ATF6: variants seen among roughly 807,000 people sequenced by gnomAD.
The protein encoded by ATF6 is activating transcription factor 6.
A neutral mutation model predicts 83.6 loss-of-function variants in ATF6; 53 were observed. The ratio of observed to expected loss-of-function variants is 0.63; its 90% CI spans 0.51 to 0.80. The LOEUF (loss-of-function observed/expected upper bound fraction) is 0.80, where lower values mean the gene tolerates loss of function less well. ATF6 is among the 30% of genes least tolerant of loss of function. The probability of loss-of-function intolerance (pLI) is 0.00; values close to 1 mark genes in which losing one functional copy is unlikely to be tolerated. For missense variants in ATF6, 744 were observed against 797.9 expected (o/e 0.93, Z 0.81); for synonymous variants, 288 against 285.8 (o/e 1.01, Z -0.08).
intron 15 of ATF6, among the ~76,000 whole-genome samples, chr1:161,918,662 T>C (rs1239750439): frequency 6.6e-6 from 1 of 152,184 alleles, no homozygotes; most frequent in Non-Finnish European, 1.5e-5. Context: ...TCTGAGCATA[T>C]AAGGGTTTGA....
intron 1 of ATF6, among the ~76,000 whole-genome samples, chr1:161,773,591 A>G (rs1416720020): frequency 6.6e-6 from 1 of 152,132 alleles, no homozygotes; most frequent in Non-Finnish European, 1.5e-5. Context: ...TAAGGGCACT[A>G]CTGATTTCCA....
chr1:161,881,332 G>C (rs987405484), intron 14 of ATF6, among the ~76,000 whole-genome samples: 1 of 152,112 alleles, frequency 6.6e-6, no homozygotes, highest in Non-Finnish European at 1.5e-5. Flanking sequence ...AAGTTCACAT[G>C]ATTGTTGGTA....
chr1:161,823,670 A>T (rs1309296976), intron 9 of ATF6, among the ~76,000 whole-genome samples: 1 of 152,214 alleles, frequency 6.6e-6, no homozygotes, highest in Non-Finnish European at 1.5e-5. Context: ...GTCCGACTTA[A>T]CAGGATCTGG....
intron 15 of ATF6, among the ~76,000 whole-genome samples, chr1:161,956,352 G>T (rs1434364850): frequency 1.3e-5 from 2 of 152,144 alleles, no homozygotes; most frequent in Admixed American, 6.5e-5. Context: ...AGGGACTATG[G>T]TTCCAAAAGG....
chr1:161,850,714 G>A (rs1243177038), intron 10 of ATF6, among the ~76,000 whole-genome samples: 2 of 152,148 alleles, frequency 1.3e-5, no homozygotes, highest in African/African-American at 4.8e-5. Context: ...AAAAGTGTGA[G>A]TCTCACTATG....
chr1:161,851,275 C>CACACACACACACACACACACA (rs1557995077), intron 10 of ATF6, among the ~76,000 whole-genome samples: 1 of 148,830 alleles, frequency 6.7e-6, no homozygotes, highest in African/African-American at 2.5e-5. Flanking sequence ...CACACACACA[C>CACACACACACACACACACACA]CCCTACCTGT....
At chr1:161,888,906 C>T (rs373591023) in intron 14 of ATF6, among the ~76,000 whole-genome samples, 10 of 152,268 alleles carry the variant, frequency 6.6e-5, no homozygotes, top group Admixed American at 2.0e-4. Flanking sequence ...GACACTTTCC[C>T]TTATACCTTG....
At chr1:161,922,074 A>G (rs907559306) in intron 15 of ATF6, among the ~76,000 whole-genome samples, 3 of 152,062 alleles carry the variant, frequency 2.0e-5, no homozygotes, top group African/African-American at 7.2e-5. Flanking sequence ...TCTTGTCTAT[A>G]TTGTTGCATT....
chr1:161,834,073 C>A (rs1264012612), intron 9 of ATF6, among the ~76,000 whole-genome samples: 1 of 152,198 alleles, frequency 6.6e-6, no homozygotes, highest in Admixed American at 6.5e-5. Context: ...AGAAACTCTG[C>A]AAGCCAGAAG....
At chr1:161,782,749 C>T (rs1684665910) in intron 3 of ATF6, among the ~76,000 whole-genome samples, 1 of 152,184 alleles carries the variant, frequency 6.6e-6, no homozygotes, top group African/African-American at 2.4e-5. Flanking sequence ...TGCCTGTTTG[C>T]CTTCATAGAA....
Position 161,791,062 on chromosome 1 carries a change from A to ATGTGTGTGTG in ATF6, c.355-334_355-325dup, listed in dbSNP as rs72157843. 4.4e-4 allele frequency among the ~76,000 whole-genome samples: 61 copies of ATGTGTGTGTG among 137,306 alleles called. 2 individuals are homozygous for ATGTGTGTGTG. The highest frequency in any genetic ancestry group is 2.0e-3 in the African/African-American group (61 of 30,628). The allele number at this position is 137,306 out of a possible 152,430, so 90.1% of individuals were successfully genotyped here. On this transcript the variant is annotated intron_variant, in intron 4 of 15. Transcript: ENST00000367942. The stretch of plus-strand genomic sequence containing the variant: ...TGTATGACTACGAACCAAGTTTTAT[A>ATGTGTGTGTG]TGTGTGTGTGTGTGTGTGTGTCTCT...
At chr1:161,901,483 A>G (rs1489733350) in intron 14 of ATF6, among the ~76,000 whole-genome samples, 1 of 151,522 alleles carries the variant, frequency 6.6e-6, no homozygotes, top group African/African-American at 2.4e-5. Context: ...AAATAATTAT[A>G]TCTCCCAAAG....
chr1:161,831,488 A>G (rs1400848072), intron 9 of ATF6, among the ~76,000 whole-genome samples: 2 of 152,188 alleles, frequency 1.3e-5, no homozygotes, highest in Non-Finnish European at 2.9e-5. Flanking sequence ...ATAAAGACAC[A>G]TGCACACATA....
At chr1:161,790,900 G>A (rs1478779420) in intron 4 of ATF6, among the ~76,000 whole-genome samples, 2 of 152,102 alleles carry the variant, frequency 1.3e-5, no homozygotes, top group Non-Finnish European at 2.9e-5. Context: ...AACAAAGGCA[G>A]TATTACAAAA....
chr1:161,915,327 C>T (rs1688074616), intron 15 of ATF6, among the ~76,000 whole-genome samples: 1 of 152,298 alleles, frequency 6.6e-6, no homozygotes, highest in Non-Finnish European at 1.5e-5. Context: ...GCTTCCTCAT[C>T]TGTAAAAGAA....
chr1:161,813,541 A>G (rs1388231481), intron 7 of ATF6, among the ~76,000 whole-genome samples: 2 of 152,168 alleles, frequency 1.3e-5, no homozygotes, highest in Admixed American at 6.5e-5. Flanking sequence ...ATCTCATGAA[A>G]CAACTCTTAC....
At chr1:161,887,182 C>T (rs1399113461) in intron 14 of ATF6, among the ~76,000 whole-genome samples, 5 of 151,978 alleles carry the variant, frequency 3.3e-5, no homozygotes, top group Non-Finnish European at 5.9e-5. Context: ...ATCTGTTCTC[C>T]TGCCTAAGCC....
intron 3 of ATF6, among the ~76,000 whole-genome samples, chr1:161,782,786 G>A (rs1168456875): frequency 1.0e-5 from 1 of 96,706 alleles, no homozygotes; most frequent in Non-Finnish European, 2.0e-5. Context: ...TCAGTGTTCT[G>A]GTTTTATCGT....
intron 9 of ATF6, among the ~76,000 whole-genome samples, chr1:161,829,123 AT>A: frequency 6.6e-6 from 1 of 151,116 alleles, no homozygotes; most frequent in Admixed American, 6.6e-5. Flanking sequence ...GAGCACCCAG[AT>A]TCATAAAGCA....
Sources: allele counts gnomAD v4.1 joint callset (sites outside exome capture counted in the v4.1 genomes callset), GRCh38; gene constraint gnomAD v4.1.1; transcripts MANE v1.5; gene names NCBI Gene and HGNC (gene_info 2026-07-23, HGNC 2026-07-21).